CTNNA2: variants seen among roughly 807,000 people sequenced by gnomAD.
CTNNA2 encodes catenin alpha 2.
A neutral mutation model predicts 101.0 loss-of-function variants in CTNNA2; 42 were observed. That is an observed-to-expected ratio of 0.42 (90% CI 0.32 to 0.54). CTNNA2 has a LOEUF of 0.54. Ranked by LOEUF, CTNNA2 falls within the 20% of genes least tolerant of loss-of-function variation. The probability of loss-of-function intolerance (pLI) is 0.14; values close to 1 mark genes in which losing one functional copy is unlikely to be tolerated. For synonymous variants in CTNNA2, 450 were observed against 456.4 expected (o/e 0.99, Z 0.18); for missense variants, 871 against 1,223.1 (o/e 0.71, Z 4.29).
intron 4 of CTNNA2, among the ~76,000 whole-genome samples, chr2:79,410,389 A>G (rs1330784824): frequency 6.7e-6 from 1 of 149,536 alleles, no homozygotes; most frequent in Non-Finnish European, 1.5e-5. Flanking sequence ...CAGTTTTCAA[A>G]GGGAATGCTT....
rs755823632 is a variant in CTNNA2 at position 79,322,282 on chromosome 2, G to T, written c.-318+9486G>T. Among the ~76,000 whole-genome samples, 277 of 152,274 alleles carry T rather than the reference G, an allele frequency of 1.8e-3. 1 individual carries two copies. The highest frequency in any genetic ancestry group is 2.5e-3 in the Non-Finnish European group (169 of 68,010). On this transcript the variant is annotated intron_variant, in intron 3 of 21. Transcript: ENST00000466387. ...TAGTCTCTTAGGTGATATAGACTGC[G>T]GGGGGCTGCCACATTCGTTTCATTG... is the stretch of plus-strand genomic sequence containing the variant.
In CTNNA2 at chr2:79,829,897, A is replaced by G. The variant is rs141594610; in HGVS notation, c.299-28116A>G. On this transcript the variant is annotated intron_variant, in intron 3 of 18. Transcript: ENST00000402739. Reference sequence around the variant, plus strand: ...ACCACGCCCGGCTAAGTTTTTTTCTATTTTTAGTAGAGATGGGGTTTCAAA... The same window carrying G: ...ACCACGCCCGGCTAAGTTTTTTTCTGTTTTTAGTAGAGATGGGGTTTCAAA... Among the ~76,000 whole-genome samples, 323 of 151,638 alleles carry G rather than the reference A, an allele frequency of 2.1e-3. 4 individuals carry two copies. The highest frequency in any genetic ancestry group is 7.5e-3 in the African/African-American group (310 of 41,414).
At chr2:79,664,932 C>T (rs911966349) in intron 2 of CTNNA2, among the ~76,000 whole-genome samples, 5 of 151,900 alleles carry the variant, frequency 3.3e-5, no homozygotes, top group East Asian at 1.9e-4. Flanking sequence ...AAGATGGTCT[C>T]GATCTCCTGA....
At chr2:79,218,468 C>G (rs1055402970) in intron 2 of CTNNA2, among the ~76,000 whole-genome samples, 9 of 151,956 alleles carry the variant, frequency 5.9e-5, no homozygotes, top group African/African-American at 2.2e-4. Flanking sequence ...TAGGCGTGAG[C>G]CACTGCACAC....
chr2:80,487,215 A>C (rs1337014858), intron 9 of CTNNA2, among the ~76,000 whole-genome samples: 1 of 148,208 alleles, frequency 6.7e-6, no homozygotes, highest in Admixed American at 6.9e-5. Context: ...CAGGAGGCAG[A>C]GGTTGCAGTG....
chr2:80,000,571 C>T (rs1692874267), intron 7 of CTNNA2, among the ~76,000 whole-genome samples: 1 of 152,112 alleles, frequency 6.6e-6, no homozygotes, highest in African/African-American at 2.4e-5. Flanking sequence ...CAGCCACTTC[C>T]CTCAATTAAC....
chr2:79,522,842 A>G (rs748060090), intron 1 of CTNNA2, among the ~76,000 whole-genome samples: 1 of 152,226 alleles, frequency 6.6e-6, no homozygotes, highest in Non-Finnish European at 1.5e-5. Context: ...CAAGAATCCA[A>G]TAACAGAAGA....
intron 2 of CTNNA2, among the ~76,000 whole-genome samples, chr2:79,298,208 G>A (rs931081011): frequency 6.6e-6 from 1 of 152,172 alleles, no homozygotes; most frequent in African/African-American, 2.4e-5. Context: ...AAAAGGCAAA[G>A]GGGGTGCAGT....
chr2:79,405,798 T>C (rs2104485156), intron 4 of CTNNA2, among the ~76,000 whole-genome samples: 1 of 152,208 alleles, frequency 6.6e-6, no homozygotes, highest in African/African-American at 2.4e-5. Context: ...GTTCCCAGAA[T>C]CCTGAATTAT....
chr2:79,210,936 A>C (rs1357871616), intron 2 of CTNNA2, among the ~76,000 whole-genome samples: 2 of 152,062 alleles, frequency 1.3e-5, no homozygotes, highest in African/African-American at 4.8e-5. Flanking sequence ...GGGAGGAAAA[A>C]TGAAGTACTG....
chr2:79,458,592 A>G (rs937957300), intron 4 of CTNNA2, among the ~76,000 whole-genome samples: 1 of 152,218 alleles, frequency 6.6e-6, no homozygotes. Context: ...GAGCCCATCA[A>G]AAGGCCATTA....
intron 2 of CTNNA2, among the ~76,000 whole-genome samples, chr2:79,302,829 C>G (rs2104391899): frequency 6.6e-6 from 1 of 152,298 alleles, no homozygotes; most frequent in Admixed American, 6.5e-5. Context: ...TTGTTGAACT[C>G]TAATTACATG....
intron 7 of CTNNA2, among the ~76,000 whole-genome samples, chr2:80,234,393 C>T (rs1258462437): frequency 6.6e-6 from 1 of 152,186 alleles, no homozygotes; most frequent in African/African-American, 2.4e-5. Context: ...ACCTTTCCCC[C>T]ACCCTAACAC....
At chr2:79,340,604 C>A (rs1390347148) in intron 3 of CTNNA2, among the ~76,000 whole-genome samples, 1 of 151,990 alleles carries the variant, frequency 6.6e-6, no homozygotes, top group Non-Finnish European at 1.5e-5. Flanking sequence ...GAGGCCAAGG[C>A]GGGCGGATCA....
At chr2:80,500,861 T>G (rs548608164) in intron 9 of CTNNA2, among the ~76,000 whole-genome samples, 1 of 152,218 alleles carries the variant, frequency 6.6e-6, no homozygotes, top group African/African-American at 2.4e-5. Flanking sequence ...TATTTTTCAT[T>G]AAAGCTTCAA....
At chr2:79,599,497 T>C (rs1389440877) in intron 1 of CTNNA2, among the ~76,000 whole-genome samples, 1 of 152,162 alleles carries the variant, frequency 6.6e-6, no homozygotes, top group Non-Finnish European at 1.5e-5. Context: ...AGATTCTCTG[T>C]GGCCTATTAA....
chr2:80,309,135 A>G (rs1677300256), intron 7 of CTNNA2, among the ~76,000 whole-genome samples: 1 of 152,140 alleles, frequency 6.6e-6, no homozygotes, highest in Non-Finnish European at 1.5e-5. Flanking sequence ...GAGAAAGAAA[A>G]GAAAGAAATG....
chr2:80,378,984 G>C (rs1573893700), intron 7 of CTNNA2, among the ~76,000 whole-genome samples: 1 of 152,098 alleles, frequency 6.6e-6, no homozygotes, highest in Non-Finnish European at 1.5e-5. Context: ...ATGGGGAAGA[G>C]GGCAGAAGTG....
chr2:80,604,368 C>T (rs529885032), intron 16 of CTNNA2, among the ~76,000 whole-genome samples, 189 bp downstream of exon 16: 26 of 151,950 alleles, frequency 1.7e-4, no homozygotes, highest in Non-Finnish European at 3.7e-4. Flanking sequence ...AGATTTAGCT[C>T]AGGAGAGAAT....
Sources: gnomAD v4.1 joint callset for allele counts (sites outside exome capture counted in the v4.1 genomes callset) on GRCh38, gnomAD v4.1.1 for gene constraint, MANE v1.5 for transcripts, NCBI Gene and HGNC (gene_info 2026-07-23, HGNC 2026-07-21) for gene names.